HS6ST3: variants seen among roughly 807,000 people sequenced by gnomAD.
HS6ST3 encodes heparan sulfate 6-O-sulfotransferase 3.
Under a neutral mutation model 36.7 loss-of-function variants are expected in HS6ST3, and 12 were observed. That is an observed-to-expected ratio of 0.33 (90% CI 0.21 to 0.53). The LOEUF (loss-of-function observed/expected upper bound fraction) is 0.53, where lower values mean the gene tolerates loss of function less well. Ranked by LOEUF, HS6ST3 falls within the 20% of genes least tolerant of loss-of-function variation. HS6ST3 has a pLI of 0.95. For synonymous variants in HS6ST3, 240 were observed against 257.5 expected (o/e 0.93, Z 0.65); for missense variants, 584 against 640.9 (o/e 0.91, Z 0.96).
In HS6ST3 at chr13:96,366,016, A is replaced by G. The variant is rs1177295076; in HGVS notation, c.707+274447A>G. The stretch of plus-strand genomic sequence containing the variant: ...CCTTAGAAACTCTAAGGCACTTTAC[A>G]GAGGTATTTAAAATGATCATATCTA... On this transcript the variant is annotated intron_variant, in intron 1 of 1. Coordinates refer to ENST00000376705, the MANE Select transcript of HS6ST3 (RefSeq NM_153456.4). 2.0e-5 allele frequency among the ~76,000 whole-genome samples: 3 copies of G among 152,350 alleles called. No homozygotes were observed. In the East Asian group the frequency reaches 5.8e-4, roughly 29 times the overall value.
rs201632979 is a variant in HS6ST3 at position 96,567,470 on chromosome 13, T to C, written c.708-265020T>C. ...TATGAAAAAATCTGCGGGGAAGTAATTTTGAGCTAAAAATTTTATATGCAT... is the reference window on the plus strand; with the variant it reads ...TATGAAAAAATCTGCGGGGAAGTAACTTTGAGCTAAAAATTTTATATGCAT... On this transcript the variant is annotated intron_variant, in intron 1 of 1. Coordinates refer to ENST00000376705, the MANE Select transcript of HS6ST3 (RefSeq NM_153456.4). Among the ~76,000 whole-genome samples, 394 of 152,194 alleles carry C rather than the reference T, an allele frequency of 2.6e-3. 1 individual carries two copies. Among genetic ancestry groups the C allele is most frequent in the African/African-American group, 9.0e-3 (375 of 41,526 alleles).
chr13:96,399,599 T>C (rs1328171930), intron 1 of HS6ST3, among the ~76,000 whole-genome samples: 1 of 152,228 alleles, frequency 6.6e-6, no homozygotes, highest in Admixed American at 6.5e-5. Flanking sequence ...TGTACAAATA[T>C]AAATAAAATA....
At chr13:96,418,147 C>T (rs768267820) in intron 1 of HS6ST3, among the ~76,000 whole-genome samples, 2 of 151,990 alleles carry the variant, frequency 1.3e-5, no homozygotes, top group Non-Finnish European at 2.9e-5. Flanking sequence ...GTGAAATCAC[C>T]AACAAAAGCA....
intron 1 of HS6ST3, among the ~76,000 whole-genome samples, chr13:96,159,264 T>C (rs1368210060): frequency 1.3e-5 from 2 of 151,920 alleles, no homozygotes; most frequent in East Asian, 3.9e-4. Context: ...GGAGAGTGAA[T>C]TGCAGGTACG....
chr13:96,098,128 A>T (rs1272910492), intron 1 of HS6ST3, among the ~76,000 whole-genome samples: 1 of 152,192 alleles, frequency 6.6e-6, no homozygotes, highest in Admixed American at 6.5e-5. Flanking sequence ...ACTATTGAGG[A>T]GGTTTCTCCT....
intron 1 of HS6ST3, among the ~76,000 whole-genome samples, chr13:96,723,338 G>T (rs926574451): frequency 2.6e-5 from 4 of 152,016 alleles, no homozygotes; most frequent in African/African-American, 9.7e-5. Context: ...GAAACCCCTG[G>T]ACTGTGATGA....
intron 1 of HS6ST3, among the ~76,000 whole-genome samples, chr13:96,109,138 G>T (rs1198283436): frequency 1.3e-5 from 2 of 152,184 alleles, no homozygotes; most frequent in Non-Finnish European, 2.9e-5. Flanking sequence ...TTGTAAAGTT[G>T]GCTATCTAAA....
chr13:96,399,971 T>A (rs2055441188), intron 1 of HS6ST3, among the ~76,000 whole-genome samples: 1 of 152,172 alleles, frequency 6.6e-6, no homozygotes, highest in Non-Finnish European at 1.5e-5. Flanking sequence ...CCCAAAGTTT[T>A]TTTTTCAGGG....
intron 1 of HS6ST3, among the ~76,000 whole-genome samples, chr13:96,811,745 A>G (rs1878321159): frequency 6.6e-6 from 1 of 152,260 alleles, no homozygotes; most frequent in Admixed American, 6.5e-5. Context: ...TCACCAAAGG[A>G]AAGCATTGTT....
At chr13:96,614,285 A>T (rs2056465858) in intron 1 of HS6ST3, among the ~76,000 whole-genome samples, 1 of 135,540 alleles carries the variant, frequency 7.4e-6, no homozygotes. Context: ...GCAACAGAGC[A>T]AGGATCCATC....
intron 1 of HS6ST3, among the ~76,000 whole-genome samples, chr13:96,661,783 G>A (rs958682767): frequency 1.1e-4 from 16 of 152,042 alleles, no homozygotes; most frequent in African/African-American, 3.4e-4. Flanking sequence ...TTGTGGGTCC[G>A]GTCTATTGGT....
At chr13:96,119,869 A>G (rs201368889) in intron 1 of HS6ST3, among the ~76,000 whole-genome samples, 2 of 133,170 alleles carry the variant, frequency 1.5e-5, no homozygotes, top group East Asian at 2.3e-4. Context: ...AGCATTAAAT[A>G]TAATAGGAAA....
At chr13:96,450,993 A>G (rs1039815315) in intron 1 of HS6ST3, among the ~76,000 whole-genome samples, 5 of 152,158 alleles carry the variant, frequency 3.3e-5, no homozygotes, top group African/African-American at 4.8e-5. Flanking sequence ...AACCAATATT[A>G]CAGAAGCAGA....
intron 1 of HS6ST3, among the ~76,000 whole-genome samples, chr13:96,466,393 A>G (rs1412438933): frequency 6.6e-6 from 1 of 152,202 alleles, no homozygotes; most frequent in African/African-American, 2.4e-5. Flanking sequence ...TTCATCTTGC[A>G]TCACTGGAAC....
rs1201301470 is a variant in HS6ST3 at position 96,601,152 on chromosome 13, C to CT, written c.708-231332dup. Among the ~76,000 whole-genome samples, 8 of 152,012 alleles carry CT rather than the reference C, an allele frequency of 5.3e-5. No individual in the cohort carries two copies. In the South Asian group the frequency reaches 1.5e-3, roughly 28 times the overall value. On this transcript the variant is annotated intron_variant, in intron 1 of 1. Coordinates refer to ENST00000376705, the MANE Select transcript of HS6ST3 (RefSeq NM_153456.4). ...GATGATTATATGCTTCGGTGATGTC[C>CT]TTTTTTGCAATGAATCTCCCAGGAA...
rs1035753474 is a variant in HS6ST3 at position 96,359,143 on chromosome 13, G to A, written c.707+267574G>A. Among the ~76,000 whole-genome samples, 3 of 152,208 alleles carry A rather than the reference G, an allele frequency of 2.0e-5. 1 individual carries two copies. The highest frequency in any genetic ancestry group is 4.8e-5 in the African/African-American group (2 of 41,542). On this transcript the variant is annotated intron_variant, in intron 1 of 1. Transcript: ENST00000376705. ...TTTGGGGGCAATTACAATGTTTAGG[G>A]GAGGGTGCTTGGGAAAGGCCTAACT...
At chr13:96,692,846 C>G (rs1182448446) in intron 1 of HS6ST3, among the ~76,000 whole-genome samples, 1 of 152,146 alleles carries the variant, frequency 6.6e-6, no homozygotes, top group Middle Eastern at 3.2e-3. Flanking sequence ...ACTATCAAAA[C>G]TTACTATGTA....
intron 1 of HS6ST3, among the ~76,000 whole-genome samples, chr13:96,303,818 T>C (rs1021780666): frequency 2.0e-5 from 3 of 152,192 alleles, no homozygotes; most frequent in Admixed American, 2.0e-4. Context: ...ACCTAAGATT[T>C]AATGACTGGA....
intron 1 of HS6ST3, among the ~76,000 whole-genome samples, chr13:96,179,847 A>G (rs2054231123): frequency 6.6e-6 from 1 of 151,994 alleles, no homozygotes; most frequent in South Asian, 2.1e-4. Context: ...TTATTTATTT[A>G]GAGATGGCGT....
Sources: allele counts gnomAD v4.1 joint callset (sites outside exome capture counted in the v4.1 genomes callset), GRCh38; gene constraint gnomAD v4.1.1; transcripts MANE v1.5; gene names NCBI Gene and HGNC (gene_info 2026-07-23, HGNC 2026-07-21).